MAD1L1: variants seen among roughly 807,000 people sequenced by gnomAD.
The protein encoded by MAD1L1 is mitotic arrest deficient 1 like 1.
MAD1L1 carries 95 observed loss-of-function variants against 96.9 expected under a neutral mutation model. The observed-to-expected ratio is 0.98, with a 90% CI of 0.83 to 1.16. The LOEUF is 1.16. Among genes scored for constraint, MAD1L1 ranks in the 50% most tolerant of loss-of-function variants. The pLI is 0.00. For missense variants in MAD1L1, 1,007 were observed against 954.4 expected (o/e 1.06, Z -0.73); for synonymous variants, 473 against 396.6 (o/e 1.19, Z -2.29).
intron 17 of MAD1L1, among the ~76,000 whole-genome samples, chr7:1,926,052 G>A (rs1347963997): frequency 6.6e-6 from 1 of 152,002 alleles, no homozygotes; most frequent in Non-Finnish European, 1.5e-5. Flanking sequence ...AGACATAAAC[G>A]ACCAGTATCA....
intron 11 of MAD1L1, among the ~76,000 whole-genome samples, chr7:2,082,112 G>A (rs1240669764): frequency 6.6e-6 from 1 of 152,144 alleles, no homozygotes; most frequent in African/African-American, 2.4e-5. Flanking sequence ...AATAAAGAAC[G>A]GAGAACAAGC....
chr7:1,946,790 G>A (rs1404617911), intron 16 of MAD1L1, among the ~76,000 whole-genome samples: 1 of 152,238 alleles, frequency 6.6e-6, no homozygotes, highest in Admixed American at 6.5e-5. Context: ...CAGACAAAGC[G>A]GTCTTGGAGG....
At chr7:2,212,319 C>G (rs1455815256) in intron 10 of MAD1L1, among the ~76,000 whole-genome samples, 1 of 152,238 alleles carries the variant, frequency 6.6e-6, no homozygotes, top group Non-Finnish European at 1.5e-5. Context: ...CAGCTTGGCA[C>G]AGACTGCGTG....
At position 2,081,319 on chromosome 7, in the gene MAD1L1, C is replaced by T. The variant is rs574545893; in HGVS notation, c.1074-11981G>A. 3.3e-5 allele frequency among the ~76,000 whole-genome samples: 5 copies of T among 152,318 alleles called. No homozygotes were observed. The South Asian group carries it at 1.0e-3, about 32-fold the overall frequency. ...CCCTTCCTCATCTGGATCATAGGTT[C>T]TAGCGAAAGTCCATCGAGTTCCCTC... On this transcript the variant is annotated intron_variant, in intron 11 of 18. Transcript: ENST00000265854.
intron 18 of MAD1L1, among the ~76,000 whole-genome samples, chr7:1,892,625 G>C (rs1786618491): frequency 6.6e-6 from 1 of 152,222 alleles, no homozygotes; most frequent in Admixed American, 6.5e-5. Context: ...CCCGACTTCA[G>C]GTTTTCGAAT....
At position 1,850,814 on chromosome 7, in the gene MAD1L1, C is replaced by A. The variant is rs541553630; in HGVS notation, c.1999-34586G>T. On this transcript the variant is annotated intron_variant, in intron 18 of 18. Coordinates refer to ENST00000265854, the MANE Select transcript of MAD1L1 (RefSeq NM_001013836.2). ...AACACATGTTCACTGCAGGCCAGAC[C>A]GTGCACAGAGCAGCCTCAGAACTAG... Among the ~76,000 whole-genome samples, 18 of 152,310 alleles carry A rather than the reference C, an allele frequency of 1.2e-4. No individual in the cohort carries two copies. The South Asian group carries it at 3.5e-3, about 30-fold the overall frequency.
intron 17 of MAD1L1, among the ~76,000 whole-genome samples, chr7:1,914,396 G>A (rs916504843): frequency 1.3e-5 from 2 of 152,262 alleles, no homozygotes; most frequent in East Asian, 1.9e-4. Context: ...CGTCAGAAAG[G>A]GAGGCAGGAA....
chr7:1,907,558 C>T (rs117190197), intron 17 of MAD1L1, among the ~76,000 whole-genome samples: 3,346 of 152,334 alleles, frequency 0.022, 118 homozygotes, highest in Admixed American at 0.087. Flanking sequence ...CCACTGATGA[C>T]GCCGCCACGG....
intron 4 of MAD1L1, 42 bp from the exon 5 acceptor site, chr7:2,222,796 G>T (rs778132568): frequency 2.0e-6 from 3 of 1,516,400 alleles, no homozygotes; most frequent in Non-Finnish European, 2.7e-6. Flanking sequence ...GCCGCCCACG[G>T]GAGGGTCAGC....
intron 4 of MAD1L1, among the ~76,000 whole-genome samples, chr7:2,224,680 C>A (rs945202330): frequency 4.6e-5 from 7 of 152,208 alleles, no homozygotes; most frequent in Non-Finnish European, 1.5e-5. Context: ...AATACTCTGC[C>A]TGAACCTTGG....
chr7:2,076,751 A>T (rs908914378), intron 11 of MAD1L1, among the ~76,000 whole-genome samples: 6 of 147,974 alleles, frequency 4.1e-5, no homozygotes, highest in African/African-American at 1.2e-4. Flanking sequence ...TGAGCCCGCA[A>T]CATGGTGAGC....
intron 16 of MAD1L1, among the ~76,000 whole-genome samples, chr7:1,946,904 G>A (rs943333907): frequency 7.9e-5 from 12 of 152,232 alleles, no homozygotes; most frequent in Admixed American, 3.9e-4. Flanking sequence ...TCGACGGCCC[G>A]TTTCTCTCTG....
rs1453723211 is a variant in MAD1L1 at position 2,085,264 on chromosome 7, G to GA, written c.1074-15927dup. Among the ~76,000 whole-genome samples, 6 of 152,344 alleles carry GA rather than the reference G, an allele frequency of 3.9e-5. No homozygotes were observed. In the East Asian group the frequency reaches 1.2e-3, roughly 29 times the overall value. ...CTGTCCTCAAAGAAGCTCAAAGGTAGAAAAGGTTAACAAAAGACAAGTGTA... is the reference window on the plus strand; with the variant it reads ...CTGTCCTCAAAGAAGCTCAAAGGTAGAAAAAGGTTAACAAAAGACAAGTGTA... On this transcript the variant is annotated intron_variant, in intron 11 of 18. Coordinates refer to ENST00000265854, the MANE Select transcript of MAD1L1 (RefSeq NM_001013836.2).
At chr7:2,105,935 T>G (rs1214207436) in intron 11 of MAD1L1, among the ~76,000 whole-genome samples, 1 of 151,434 alleles carries the variant, frequency 6.6e-6, no homozygotes, top group East Asian at 1.9e-4. Context: ...CCTATCCAGC[T>G]GCGGCCCCAC....
intron 12 of MAD1L1, among the ~76,000 whole-genome samples, chr7:2,048,156 C>T (rs1473202180): frequency 6.6e-6 from 1 of 152,228 alleles, no homozygotes; most frequent in South Asian, 2.1e-4. Context: ...AGCACCGACA[C>T]GGGTGTGTTC....
At chr7:2,205,084 CTTTTTTT>C (rs56101356) in intron 10 of MAD1L1, among the ~76,000 whole-genome samples, 31 of 103,860 alleles carry the variant, frequency 3.0e-4, no homozygotes, top group South Asian at 1.0e-3. Flanking sequence ...AGGATCTTTT[CTTTTTTT>C]TTTTTTTTTT....
Position 1,968,927 on chromosome 7 carries a change from C to T in MAD1L1, c.1506-11208G>A, listed in dbSNP as rs999098695. On this transcript the variant is annotated intron_variant, in intron 15 of 18. Transcript: ENST00000265854. The surrounding 1 kb of genome is among the most constrained non-coding windows in gnomAD (Gnocchi z 5.6). ...AAAGCCTGGTGGATCCAAACAAGGGCTGGAGACAGGCCCAGAGTCACACGC... is the reference window on the plus strand; with the variant it reads ...AAAGCCTGGTGGATCCAAACAAGGGTTGGAGACAGGCCCAGAGTCACACGC... Among the ~76,000 whole-genome samples the T allele has an allele frequency of 6.6e-6, 1 of 152,210 alleles. No homozygotes were observed. The highest frequency in any genetic ancestry group is 2.4e-5 in the African/African-American group (1 of 41,452).
intron 12 of MAD1L1, among the ~76,000 whole-genome samples, chr7:2,045,393 C>G (rs1783877343): frequency 6.6e-6 from 1 of 152,166 alleles, no homozygotes. Context: ...GCCGGGTGCC[C>G]TCTCAGGTGC....
chr7:2,018,408 C>G (rs770310362), intron 12 of MAD1L1, among the ~76,000 whole-genome samples: 46 of 152,216 alleles, frequency 3.0e-4, no homozygotes, highest in Non-Finnish European at 4.7e-4. Flanking sequence ...CTGCTGTCTG[C>G]CTGGTTCTTC....
Sources: allele counts gnomAD v4.1 joint callset (sites outside exome capture counted in the v4.1 genomes callset), GRCh38; gene constraint gnomAD v4.1.1; non-coding constraint Gnocchi (gnomAD v3.1); transcripts MANE v1.5; gene names NCBI Gene and HGNC (gene_info 2026-07-23, HGNC 2026-07-21).